Variants in SLC44A1 observed in about 807,000 individuals in gnomAD.
SLC44A1 encodes choline transporter-like protein 1.
In SLC44A1, 26 loss-of-function variants were observed where a neutral mutation model predicts 79.3. That is an observed-to-expected ratio of 0.33 (90% CI 0.24 to 0.46). The LOEUF is 0.46. SLC44A1 is among the 20% of genes least tolerant of loss of function. SLC44A1 has a pLI of 1.00. For synonymous variants in SLC44A1, 263 were observed against 286.2 expected, an observed-to-expected ratio of 0.92 and a Z score of 0.82; for missense variants, 688 against 798.1, an observed-to-expected ratio of 0.86 and a Z score of 1.66.
At chr9:105,348,212 G>A (rs1232748348) in intron 4 of SLC44A1, 146 bp from the exon 5 acceptor site, 8 of 511,518 alleles carry the variant, frequency 1.6e-5, no homozygotes, top group Admixed American at 3.6e-5. Context: ...AAATGATTGA[G>A]GACTTATAAT....
intron 1 of SLC44A1, among the ~76,000 whole-genome samples, chr9:105,297,764 G>A (rs796776004): frequency 6.6e-6 from 1 of 152,170 alleles, no homozygotes; most frequent in South Asian, 2.1e-4. Flanking sequence ...GTTTTAGAGG[G>A]AGAGAGAACT....
At chr9:105,407,091 GAA>G (rs1228636689) in intron 15 of SLC44A1, among the ~76,000 whole-genome samples, 1 of 152,008 alleles carries the variant, frequency 6.6e-6, no homozygotes, top group Admixed American at 6.6e-5. Flanking sequence ...AGCAGAAAAA[GAA>G]AAGAGTGAAG....
At chr9:105,298,671 G>A (rs1187776615) in intron 1 of SLC44A1, among the ~76,000 whole-genome samples, 2 of 152,106 alleles carry the variant, frequency 1.3e-5, no homozygotes, top group Non-Finnish European at 2.9e-5. Flanking sequence ...CCATTTTGAT[G>A]GGCATCTTTC....
At chr9:105,346,158 A>G (rs1334081829) in intron 4 of SLC44A1, among the ~76,000 whole-genome samples, 3 of 152,178 alleles carry the variant, frequency 2.0e-5, no homozygotes, top group Non-Finnish European at 2.9e-5. Context: ...AGGAAGCAGT[A>G]TAAGGTTTCT....
intron 1 of SLC44A1, among the ~76,000 whole-genome samples, chr9:105,294,447 AGTT>A (rs1476752781): frequency 6.6e-6 from 1 of 151,280 alleles, no homozygotes; most frequent in Non-Finnish European, 1.5e-5. Context: ...TGGGGTTGGT[AGTT>A]GTTTTTTTTT....
At position 105,261,861 on chromosome 9, in the gene SLC44A1, C is replaced by T. The variant is rs145496419; in HGVS notation, c.36+16957C>T. On this transcript the variant is annotated intron_variant, in intron 1 of 15. Transcript: ENST00000374720. ...ATGGCACGATCTCGGCTCACTGCAG[C>T]CTCTGCCTCCCAGGTTCAAGTGATT... Among the ~76,000 whole-genome samples the T allele has an allele frequency of 1.4e-3, 210 of 150,358 alleles. 1 individual carries two copies. The East Asian group carries it at 0.023, about 17-fold the overall frequency.
At chr9:105,346,406 G>C (rs184736438) in intron 4 of SLC44A1, among the ~76,000 whole-genome samples, 1 of 152,124 alleles carries the variant, frequency 6.6e-6, no homozygotes, top group African/African-American at 2.4e-5. Context: ...TTCAGATGAA[G>C]CAGTGTATTT....
At position 105,392,130 on chromosome 9, in the gene SLC44A1, C is replaced by A; in HGVS notation, c.*3074C>A. On this transcript the variant is annotated 3_prime_UTR_variant, in exon 16 of 16. Coordinates refer to ENST00000374720, the MANE Select transcript of SLC44A1 (RefSeq NM_080546.5). ...TAAAACATTAGCAATTTAGCTAGAGCACTGAGATTGTATAATCCTTGCATG... is the reference window on the plus strand; with the variant it reads ...TAAAACATTAGCAATTTAGCTAGAGAACTGAGATTGTATAATCCTTGCATG... The A allele has an allele frequency of 2.0e-6, 2 of 985,396 alleles. No individual in the cohort carries two copies. The highest frequency in any genetic ancestry group is 2.4e-6 in the Non-Finnish European group (2 of 829,906). 61.0% of individuals were successfully genotyped at this position (985,396 alleles called of 1,614,324 possible). A position where few individuals can be genotyped will look rare whatever the true frequency, so the allele number is the denominator to read the frequency against.
intron 1 of SLC44A1, among the ~76,000 whole-genome samples, chr9:105,246,841 A>C (rs1346815952): frequency 1.3e-5 from 2 of 152,322 alleles, no homozygotes; most frequent in East Asian, 3.9e-4. Context: ...TGGGTCTTGC[A>C]TTTGTCTAGC....
Position 105,295,803 on chromosome 9 carries a change from C to T in SLC44A1, c.37-3417C>T, listed in dbSNP as rs114897292. On this transcript the variant is annotated intron_variant, in intron 1 of 15. Coordinates refer to ENST00000374720, the MANE Select transcript of SLC44A1 (RefSeq NM_080546.5). ...AAGACTGATTGTGCAGGTGTGAAAC[C>T]TTAGGCTGATTATTTAACTTCTGAG... 7.4e-3 allele frequency among the ~76,000 whole-genome samples: 1,132 copies of T among 152,240 alleles called. 12 individuals carry two copies. The highest frequency in any genetic ancestry group is 0.025 in the African/African-American group (1,050 of 41,540).
At chr9:105,304,223 C>T (rs971583775) in intron 2 of SLC44A1, among the ~76,000 whole-genome samples, 4 of 152,142 alleles carry the variant, frequency 2.6e-5, no homozygotes, top group African/African-American at 7.2e-5. Flanking sequence ...GTTTCTACCT[C>T]ATTAACTATT....
intron 5 of SLC44A1, among the ~76,000 whole-genome samples, chr9:105,348,903 G>T (rs1382628023): frequency 6.6e-6 from 1 of 151,942 alleles, no homozygotes; most frequent in African/African-American, 2.4e-5. Context: ...TTTCTTTCAG[G>T]TTATATTTTT....
chr9:105,333,984 A>G (rs7867378), intron 3 of SLC44A1, among the ~76,000 whole-genome samples: 9,152 of 152,178 alleles, frequency 0.06, 925 homozygotes, highest in African/African-American at 0.21. Flanking sequence ...TTCATTATAC[A>G]GGGTCAAAGG....
intron 1 of SLC44A1, among the ~76,000 whole-genome samples, chr9:105,252,588 C>T (rs1050347483): frequency 3.3e-5 from 5 of 152,102 alleles, no homozygotes; most frequent in African/African-American, 1.2e-4. Context: ...TCAAGGTGGA[C>T]AGGAAAGGGC....
intron 1 of SLC44A1, among the ~76,000 whole-genome samples, chr9:105,275,681 A>G (rs1830181792): frequency 1.3e-5 from 2 of 152,292 alleles, no homozygotes; most frequent in South Asian, 4.1e-4. Flanking sequence ...TATTTGATCT[A>G]CATGTCTGGT....
chr9:105,328,853 G>A (rs1012421709), intron 3 of SLC44A1, among the ~76,000 whole-genome samples: 3 of 152,194 alleles, frequency 2.0e-5, no homozygotes, highest in African/African-American at 7.2e-5. Context: ...TGAGGAAGCA[G>A]TGGGGAAAGG....
Position 105,397,143 on chromosome 9 carries a change from T to C in SLC44A1, c.*8087T>C, listed in dbSNP as rs1828892272. 1.0e-6 allele frequency: 1 copy of C among 985,314 alleles called. No homozygotes were observed. The highest frequency in any genetic ancestry group is 1.7e-5 in the African/African-American group (1 of 57,244). The allele number at this position is 985,314 out of a possible 1,614,324, so 61.0% of individuals were successfully genotyped here. ...TGAATTGGATGGAATTCCATCTGGC[T>C]TCAGAGAACAATCAGCCTATATGAA... On this transcript the variant is annotated 3_prime_UTR_variant, in exon 16 of 16. Coordinates refer to ENST00000374720, the MANE Select transcript of SLC44A1 (RefSeq NM_080546.5).
At chr9:105,330,436 T>C (rs1166747113) in intron 3 of SLC44A1, among the ~76,000 whole-genome samples, 1 of 152,242 alleles carries the variant, frequency 6.6e-6, no homozygotes, top group Admixed American at 6.5e-5. Flanking sequence ...GTGAATCTTA[T>C]TTTCTTTACC....
At chr9:105,282,863 A>G (rs1830390445) in intron 1 of SLC44A1, among the ~76,000 whole-genome samples, 1 of 152,126 alleles carries the variant, frequency 6.6e-6, no homozygotes, top group Non-Finnish European at 1.5e-5. Context: ...ATTTTTTAAT[A>G]GTTGGAATTT....
Sources: gnomAD v4.1 joint callset for allele counts (sites outside exome capture counted in the v4.1 genomes callset) on GRCh38, gnomAD v4.1.1 for gene constraint, MANE v1.5 for transcripts, NCBI Gene and HGNC (gene_info 2026-07-23, HGNC 2026-07-21) for gene names.